BANP: variants seen among roughly 807,000 people sequenced by gnomAD.
BANP encodes protein BANP.
A neutral mutation model predicts 68.1 loss-of-function variants in BANP; 11 were observed. The observed-to-expected ratio is 0.16, with a 90% CI of 0.10 to 0.27. BANP has a LOEUF of 0.27. Ranked by LOEUF, BANP falls within the 10% of genes least tolerant of loss-of-function variation. BANP has a pLI of 1.00. For missense variants in BANP, 504 were observed against 722.7 expected (o/e 0.70, Z 3.47); for synonymous variants, 329 against 303.2 (o/e 1.09, Z -0.88).
At chr16:88,017,868 C>T (rs1190713566) in intron 6 of BANP, among the ~76,000 whole-genome samples, 9 of 152,220 alleles carry the variant, frequency 5.9e-5, no homozygotes, top group Non-Finnish European at 1.0e-4. Flanking sequence ...TGTAACTGCC[C>T]TGAGAATGCT....
At chr16:88,042,129 T>C (rs371283775) in intron 11 of BANP, among the ~76,000 whole-genome samples, 8 of 152,362 alleles carry the variant, frequency 5.3e-5, no homozygotes, top group African/African-American at 1.9e-4. Context: ...CATGGGCACC[T>C]GGGTCCAGTG....
At chr16:88,061,670 C>CT (rs5818662) in intron 11 of BANP, among the ~76,000 whole-genome samples, 70,850 of 147,966 alleles carry the variant, frequency 0.48, 19,656 homozygotes, top group Non-Finnish European at 0.65. Flanking sequence ...ATTTTTCTTT[C>CT]TTTTTTTTTT....
intron 4 of BANP, among the ~76,000 whole-genome samples, chr16:87,987,546 A>G (rs1344928382): frequency 6.6e-6 from 1 of 151,666 alleles, no homozygotes; most frequent in Non-Finnish European, 1.5e-5. Flanking sequence ...CAACGTAGTG[A>G]GACCCCCATC....
intron 11 of BANP, among the ~76,000 whole-genome samples, chr16:88,051,758 C>T (rs2083311532): frequency 2.0e-5 from 3 of 152,058 alleles, no homozygotes; most frequent in South Asian, 4.2e-4. Flanking sequence ...GAGGGCAGCT[C>T]GGCTGATGAT....
In BANP at chr16:88,018,001, G is replaced by A. The variant is rs2152660688; in HGVS notation, c.656-427G>A. On this transcript the variant is annotated intron_variant, in intron 6 of 13. Transcript: ENST00000682872. The surrounding 1 kb of genome is among the most constrained non-coding windows in gnomAD (Gnocchi z 7.7). ...CTCACCTCTGCGTCTTTCTTGGTGG[G>A]AGTGGCTGGCCAGTGGGAGAGCATG... is the stretch of plus-strand genomic sequence containing the variant. Among the ~76,000 whole-genome samples the A allele has an allele frequency of 6.6e-6, 1 of 152,278 alleles. No homozygotes were observed. Among genetic ancestry groups the A allele is most frequent in the South Asian group, 2.1e-4 (1 of 4,796 alleles).
chr16:88,069,221 G>A (rs944122172), intron 12 of BANP, among the ~76,000 whole-genome samples: 1 of 152,224 alleles, frequency 6.6e-6, no homozygotes, highest in African/African-American at 2.4e-5. Flanking sequence ...CCTCGGTGCA[G>A]CAACTCCTCT....
chr16:88,036,580 T>G lies in BANP; in HGVS notation c.1272+1186T>G. 6.6e-6 allele frequency among the ~76,000 whole-genome samples: 1 copy of G among 151,914 alleles called. No homozygotes were observed. The highest frequency in any genetic ancestry group is 2.4e-5 in the African/African-American group (1 of 41,340). On this transcript the variant is annotated intron_variant, in intron 10 of 13. Coordinates refer to ENST00000682872, the MANE Select transcript of BANP (RefSeq NM_001386991.1). The surrounding 1 kb of genome is among the most constrained non-coding windows in gnomAD (Gnocchi z 4.2). ...TTGGACACCAGCAGTTCCCGGTGGG[T>G]TATCCTGAGAGGGGAGCACATGCGT...
chr16:88,038,269 G>T (rs1305378262), intron 11 of BANP, among the ~76,000 whole-genome samples: 3 of 152,166 alleles, frequency 2.0e-5, no homozygotes, highest in Admixed American at 6.5e-5. Flanking sequence ...ACAGGCCATG[G>T]TGCTGCCAAG....
intron 13 of BANP, among the ~76,000 whole-genome samples, chr16:88,074,314 G>A (rs530417943): frequency 6.6e-6 from 1 of 152,290 alleles, no homozygotes; most frequent in East Asian, 1.9e-4. Flanking sequence ...CAGCTGTGAG[G>A]GCCTGGCTCT....
At chr16:88,017,045 T>C (rs1195955005) in intron 6 of BANP, 4 of 152,256 alleles carry the variant, frequency 2.6e-5, no homozygotes, top group African/African-American at 9.6e-5. Flanking sequence ...GGGAGCTGTG[T>C]ATGCTAGGAG....
At chr16:88,021,348 G>C (rs1397110604) in intron 7 of BANP, among the ~76,000 whole-genome samples, 1 of 152,190 alleles carries the variant, frequency 6.6e-6, no homozygotes, top group Non-Finnish European at 1.5e-5. Flanking sequence ...TCCTGGGCTT[G>C]CTCACAGTGC....
intron 13 of BANP, among the ~76,000 whole-genome samples, chr16:88,073,938 G>A (rs971725636): frequency 2.0e-5 from 3 of 152,244 alleles, no homozygotes; most frequent in Admixed American, 1.3e-4. Context: ...AACAGCCAAG[G>A]AAGACGGCGT....
intron 11 of BANP, among the ~76,000 whole-genome samples, chr16:88,058,460 C>T (rs2085739813): frequency 6.6e-6 from 1 of 152,136 alleles, no homozygotes; most frequent in Non-Finnish European, 1.5e-5. Context: ...AGTGCTGTGG[C>T]TTCCTAAGTG....
At chr16:88,061,835 T>C (rs1009192134) in intron 11 of BANP, among the ~76,000 whole-genome samples, 4 of 152,022 alleles carry the variant, frequency 2.6e-5, no homozygotes, top group Non-Finnish European at 5.9e-5. Flanking sequence ...CCGGCTAATT[T>C]TGTATTTTTA....
intron 7 of BANP, among the ~76,000 whole-genome samples, chr16:88,025,809 G>C (rs1356998284): frequency 6.6e-6 from 1 of 152,210 alleles, no homozygotes; most frequent in Non-Finnish European, 1.5e-5. Context: ...GTCCGAACTT[G>C]AGGCTCTTGG....
chr16:88,016,631 G>A (rs1053193020), intron 6 of BANP, among the ~76,000 whole-genome samples: 1 of 152,230 alleles, frequency 6.6e-6, no homozygotes, highest in Non-Finnish European at 1.5e-5. Context: ...TAGAATCCCC[G>A]GAAGCTGGAG....
At chr16:87,980,121 A>G (rs982511523) in intron 2 of BANP, among the ~76,000 whole-genome samples, 10 of 152,198 alleles carry the variant, frequency 6.6e-5, no homozygotes, top group African/African-American at 9.7e-5. Flanking sequence ...AGTGCACTAG[A>G]CAGTTCACAC....
chr16:87,991,498 T>C (rs181730287), intron 4 of BANP, among the ~76,000 whole-genome samples: 4 of 152,348 alleles, frequency 2.6e-5, no homozygotes, highest in Admixed American at 2.6e-4. Context: ...AAGTGCCAAC[T>C]TAACAGTATT....
intron 6 of BANP, among the ~76,000 whole-genome samples, chr16:88,012,785 G>A (rs2073499357): frequency 6.6e-6 from 1 of 152,220 alleles, no homozygotes; most frequent in Non-Finnish European, 1.5e-5. Context: ...GAAAGTAGGA[G>A]AGAGAGGGAT....
Sources: allele counts gnomAD v4.1 joint callset (sites outside exome capture counted in the v4.1 genomes callset), GRCh38; gene constraint gnomAD v4.1.1; non-coding constraint Gnocchi (gnomAD v3.1); transcripts MANE v1.5; gene names NCBI Gene and HGNC (gene_info 2026-07-23, HGNC 2026-07-21).